Variants in RNF213 observed in about 807,000 individuals in gnomAD.
The protein encoded by RNF213 is E3 ubiquitin-protein ligase RNF213.
A neutral mutation model predicts 514.4 loss-of-function variants in RNF213; 341 were observed. That is an observed-to-expected ratio of 0.66 (90% CI 0.61 to 0.73). The LOEUF (loss-of-function observed/expected upper bound fraction) is 0.73, where lower values mean the gene tolerates loss of function less well. Among genes scored for constraint, RNF213 ranks in the 30% least tolerant of loss-of-function variants. The pLI is 0.00. For synonymous variants in RNF213, 2,655 were observed against 2,658.2 expected (o/e 1.00, Z 0.04); for missense variants, 5,767 against 6,615.6 (o/e 0.87, Z 4.45).
intron 46 of RNF213, among the ~76,000 whole-genome samples, chr17:80,370,521 G>A (rs1487587083): frequency 6.6e-6 from 1 of 152,214 alleles, no homozygotes; most frequent in Non-Finnish European, 1.5e-5. Context: ...CCCCTCACGT[G>A]AAGACACAGT....
intron 8 of RNF213, among the ~76,000 whole-genome samples, chr17:80,293,067 T>A (rs548288890): frequency 2.6e-3 from 388 of 152,118 alleles, no homozygotes; most frequent in African/African-American, 8.0e-3. Flanking sequence ...ATATATATAT[T>A]TTTTTTCTGA....
Position 80,363,326 on chromosome 17 carries a change from C to G in RNF213, c.11568+12C>G, listed in dbSNP as rs768701085. ...CTGGATGTGAGATGGTATGGCCCTC[C>G]TCCGCCTGCCCTGAGCAAGCCTTGT... is the stretch of plus-strand genomic sequence containing the variant. On this transcript the variant is annotated intron_variant, in intron 40 of 67. Coordinates refer to ENST00000582970, the MANE Select transcript of RNF213 (RefSeq NM_001256071.3). 3 of 1,611,718 alleles carry G rather than the reference C, an allele frequency of 1.9e-6. No homozygotes were observed. The highest frequency in any genetic ancestry group is 1.3e-5 in the African/African-American group (1 of 74,894).
Position 80,325,039 on chromosome 17 carries a change from A to G in RNF213, c.3034A>G (p.Ser1012Gly), listed in dbSNP as rs1169805045. Residue 1012 changes from serine to glycine, a missense_variant, in exon 18 of 68, where the codon AGT (serine) becomes GGT (glycine). Ser to Gly is a moderately conservative substitution (Grantham distance 56, BLOSUM62 0). Transcript: ENST00000582970. ...AVSSACQSQT[S>G]ILQGFSYSDL... ...ATTAATTTTCTTGTAGTCTCAGACC[A>G]GTATCCTTCAGGGGTTCTCTTACTC... 1 of 1,537,204 alleles carries G rather than the reference A, an allele frequency of 6.5e-7. No individual in the cohort carries two copies. The highest frequency in any genetic ancestry group is 8.7e-7 in the Non-Finnish European group (1 of 1,146,858).
intron 22 of RNF213, among the ~76,000 whole-genome samples, chr17:80,334,752 G>A (rs1184949620): frequency 4.0e-5 from 6 of 151,464 alleles, no homozygotes; most frequent in African/African-American, 9.7e-5. Flanking sequence ...TCAGCCTCCC[G>A]AGTAGCTGGG....
chr17:80,353,974 T>G lies in RNF213; in HGVS notation c.10579-45T>G. On this transcript the variant is annotated intron_variant, in intron 34 of 67. Transcript: ENST00000582970. This position sits in a 1 kb window ranked among gnomAD's most constrained non-coding sequence, Gnocchi z 5.0. ...TACGGGCGGTTTGGCTTTTGCCCAC[T>G]GTGTCAGTGGCAGAAACGGATGACC... The G allele has an allele frequency of 3.7e-6, 6 of 1,612,794 alleles. No homozygotes were observed. The highest frequency in any genetic ancestry group is 5.1e-6 in the Non-Finnish European group (6 of 1,179,686).
intron 36 of RNF213, chr17:80,355,288 T>A: frequency 2.3e-6 from 1 of 432,610 alleles, no homozygotes; most frequent in Non-Finnish European, 4.6e-6. Context: ...CCAGGTGTGA[T>A]CTGCAGGAGG....
intron 11 of RNF213, among the ~76,000 whole-genome samples, chr17:80,303,824 C>G (rs1485070237): frequency 1.3e-5 from 2 of 151,650 alleles, no homozygotes; most frequent in Non-Finnish European, 2.9e-5. Flanking sequence ...CCCGCCTCAG[C>G]CTTCCAAAGT....
chr17:80,356,007 C>CT (rs71365599), intron 36 of RNF213, among the ~76,000 whole-genome samples: 79,822 of 147,410 alleles, frequency 0.54, 21,831 homozygotes, highest in Non-Finnish European at 0.59. Context: ...TCTCTTGATG[C>CT]TTTTTTTTTT....
In RNF213 at chr17:80,369,559, C is replaced by G; in HGVS notation, c.12213C>G (p.Asp4071Glu). Residue 4071 changes from aspartate to glutamate, a missense_variant, in exon 45 of 68, where the codon GAC (aspartate) becomes GAG (glutamate). Physicochemically the swap from Asp to Glu is conservative, Grantham distance 45. Transcript: ENST00000582970. The part of the protein sequence containing the change: ...FRQMCNSFFV[D>E]LVSTICFKDN... ...AGATGTGCAACAGTTTCTTCGTAGA[C>G]CTGGTGTCCACCATTTGCTTCAAGG... 4 of 1,614,200 alleles carry G rather than the reference C, an allele frequency of 2.5e-6. No individual in the cohort carries two copies. Among genetic ancestry groups the G allele is most frequent in the Non-Finnish European group, 3.4e-6 (4 of 1,180,016 alleles).
rs778014659 is a variant in RNF213, at chr17:80,294,844, C to T, written c.1596C>T (p.Leu532=). 1.3e-5 allele frequency: 21 copies of T among 1,614,122 alleles called. No individual in the cohort carries two copies. Among genetic ancestry groups the T allele is most frequent in the African/African-American group, 2.7e-5 (2 of 74,938 alleles). Residue 532 remains leucine, a synonymous_variant, in exon 9 of 68, where the codon CTC becomes CTT. Transcript: ENST00000582970. The stretch of plus-strand genomic sequence containing the variant: ...AGGGGAAGCAGATTGCCGCTGCGCT[C>T]ATGCTGGACAGCACCTTCAGCATCC... ...LVKGKQIAAA[L]MLDSTFSILQ...
intron 21 of RNF213, 185 bp from the exon 22 acceptor site, chr17:80,333,920 G>A: frequency 1.6e-6 from 1 of 616,310 alleles, no homozygotes; most frequent in Non-Finnish European, 2.9e-6. Flanking sequence ...TGATCAGGGA[G>A]AAACAGCCAT....
chr17:80,318,504 G>T (rs2046021907), intron 16 of RNF213, among the ~76,000 whole-genome samples: 1 of 152,192 alleles, frequency 6.6e-6, no homozygotes, highest in South Asian at 2.1e-4. Flanking sequence ...ACACAGACAT[G>T]CCCCTCATGC....
At chr17:80,262,451 A>G (rs964241689) in intron 1 of RNF213, among the ~76,000 whole-genome samples, 9 of 152,030 alleles carry the variant, frequency 5.9e-5, no homozygotes, top group African/African-American at 2.2e-4. Context: ...CTTGTTGTGC[A>G]GATAATCACT....
Position 80,345,344 on chromosome 17 carries a change from A to T in RNF213, c.7009A>T (p.Thr2337Ser), listed in dbSNP as rs900744797. 1.9e-6 allele frequency: 3 copies of T among 1,613,946 alleles called. No individual in the cohort carries two copies. The African/African-American group carries it at 4.0e-5, about 22-fold the overall frequency. Residue 2337 changes from threonine (T) to serine (S), a missense_variant, in exon 29 of 68, where the codon ACT (threonine) becomes TCT (serine). By Grantham distance (58) the Thr-to-Ser change is moderately conservative. Around this residue, in one of 13 missense-constraint regions of RNF213, gnomAD observed 1,377 missense variants for 1,635.2 expected, o/e 0.84. Transcript: ENST00000582970. This position sits in a 1 kb window ranked among gnomAD's most constrained non-coding sequence, Gnocchi z 6.0. ...NGSVDAISHLTGKVIKRDVMT... is the reference protein window; with the variant it reads ...NGSVDAISHLSGKVIKRDVMT... ...CAGTGTCGATGCCATCAGTCACTTGACTGGGAAGGTCATCAAGAGAGACGT... is the reference window on the plus strand; with the variant it reads ...CAGTGTCGATGCCATCAGTCACTTGTCTGGGAAGGTCATCAAGAGAGACGT...
Position 80,289,918 on chromosome 17 carries a change from A to T in RNF213, c.1112+81A>T. On this transcript the variant is annotated intron_variant, in intron 6 of 67. Transcript: ENST00000582970. ...CCTCTCCCTGCACAACTCTCAGGGG[A>T]TATCCAGGCTGCCCTTCTAGTCAGC... is the stretch of plus-strand genomic sequence containing the variant. 2.1e-6 allele frequency: 3 copies of T among 1,416,784 alleles called. No individual in the cohort carries two copies. The South Asian group carries it at 3.7e-5, about 17-fold the overall frequency. The allele number at this position is 1,416,784 out of a possible 1,614,324, so 87.8% of individuals were successfully genotyped here. A position where few individuals can be genotyped will look rare whatever the true frequency, so the allele number is the denominator to read the frequency against.
chr17:80,317,405 C>T lies in RNF213; in HGVS notation c.2901+128C>T, dbSNP rs368811368. On this transcript the variant is annotated intron_variant, in intron 16 of 67. Transcript: ENST00000582970. This position sits in a 1 kb window ranked among gnomAD's most constrained non-coding sequence, Gnocchi z 4.1. Reference sequence around the variant, plus strand: ...GCAGGGATGGGGTGAATCACAGCTCCGTGTTTCTGTTTCTGATCCAGCCCT... The same window carrying T: ...GCAGGGATGGGGTGAATCACAGCTCTGTGTTTCTGTTTCTGATCCAGCCCT... 26 of 828,592 alleles carry T rather than the reference C, an allele frequency of 3.1e-5. No individual in the cohort carries two copies. The highest frequency in any genetic ancestry group is 1.8e-4 in the East Asian group (7 of 38,114). The allele number at this position is 828,592 out of a possible 1,614,324, so 51.3% of individuals were successfully genotyped here.
intron 12 of RNF213, 45 bp downstream of exon 12, chr17:80,306,513 A>G: frequency 1.9e-6 from 3 of 1,550,414 alleles, no homozygotes; most frequent in Non-Finnish European, 2.7e-6. Context: ...TAGCAAAAGC[A>G]GACTAGATAA....
intron 17 of RNF213, 103 bp downstream of exon 17, chr17:80,319,415 G>T: frequency 6.2e-7 from 1 of 1,614,170 alleles, no homozygotes; most frequent in Non-Finnish European, 8.5e-7. Flanking sequence ...CAGCTCCTCC[G>T]CTAACTCAGA....
chr17:80,284,044 G>A (rs1386622642), intron 3 of RNF213, among the ~76,000 whole-genome samples: 1 of 151,774 alleles, frequency 6.6e-6, no homozygotes, highest in Non-Finnish European at 1.5e-5. Context: ...CCAACATGGT[G>A]AAACCCCATC....
Sources: gnomAD v4.1 joint callset for allele counts (sites outside exome capture counted in the v4.1 genomes callset) on GRCh38, gnomAD v4.1.1 for gene constraint, gnomAD v4.1.1 regional missense constraint, Gnocchi (gnomAD v3.1) non-coding constraint, MANE v1.5 for transcripts, NCBI Gene and HGNC (gene_info 2026-07-23, HGNC 2026-07-21) for gene names.